Variants in SSBP2 observed in about 807,000 individuals in gnomAD.
SSBP2 encodes the protein single stranded DNA binding protein 2.
In SSBP2, 17 loss-of-function variants were observed where a neutral mutation model predicts 61.8. That is an observed-to-expected ratio of 0.28 (90% CI 0.19 to 0.41). SSBP2 has a LOEUF of 0.41. Among genes scored for constraint, SSBP2 ranks in the 10% least tolerant of loss-of-function variants. SSBP2 has a pLI of 1.00. For synonymous variants in SSBP2, 139 were observed against 141.3 expected (o/e 0.98, Z 0.12); for missense variants, 310 against 458.7 (o/e 0.68, Z 2.96).
At chr5:81,601,320 C>A (rs900319243) in intron 4 of SSBP2, among the ~76,000 whole-genome samples, 8 of 152,018 alleles carry the variant, frequency 5.3e-5, no homozygotes, top group Non-Finnish European at 1.2e-4. Context: ...GTTGGTAAGG[C>A]GGCTGTGAAT....
At chr5:81,428,397 A>G (rs1762084313) in intron 16 of SSBP2, among the ~76,000 whole-genome samples, 188 bp downstream of exon 16, 1 of 152,238 alleles carries the variant, frequency 6.6e-6, no homozygotes, top group Admixed American at 6.5e-5. Context: ...CTATGTACAC[A>G]GAATAAAAAA....
chr5:81,639,776 A>T lies in SSBP2; in HGVS notation c.136-3158T>A, dbSNP rs958972015. On this transcript the variant is annotated intron_variant, in intron 2 of 16. Coordinates refer to ENST00000320672, the MANE Select transcript of SSBP2 (RefSeq NM_012446.5). ...AACTGTAATTACAGATTTCAAAAAAATTCAAGGAATTCTTTCCATCATCTA... is the reference window on the plus strand; with the variant it reads ...AACTGTAATTACAGATTTCAAAAAATTTCAAGGAATTCTTTCCATCATCTA... Among the ~76,000 whole-genome samples, 6 of 152,310 alleles carry T rather than the reference A, an allele frequency of 3.9e-5. No homozygotes were observed. The South Asian group carries it at 1.0e-3, about 26-fold the overall frequency.
At chr5:81,713,591 G>A (rs758055571) in intron 1 of SSBP2, among the ~76,000 whole-genome samples, 11 of 151,944 alleles carry the variant, frequency 7.2e-5, no homozygotes, top group South Asian at 2.1e-4. Flanking sequence ...GATGTACATC[G>A]CCAATAAAAC....
At chr5:81,531,119 T>C (rs2154105306) in intron 4 of SSBP2, among the ~76,000 whole-genome samples, 1 of 150,942 alleles carries the variant, frequency 6.6e-6, no homozygotes, top group South Asian at 2.1e-4. Flanking sequence ...ATGCCTATAG[T>C]CCCAGCTACT....
intron 4 of SSBP2, among the ~76,000 whole-genome samples, chr5:81,585,406 G>A (rs1774983617): frequency 6.6e-6 from 1 of 151,856 alleles, no homozygotes; most frequent in African/African-American, 2.4e-5. Flanking sequence ...GCTAAATCTA[G>A]GTCTTATTCT....
intron 5 of SSBP2, among the ~76,000 whole-genome samples, chr5:81,501,685 C>T (rs1005365765): frequency 2.0e-5 from 3 of 151,216 alleles, no homozygotes; most frequent in African/African-American, 7.3e-5. Context: ...GCCTCAGCCT[C>T]CTGAGTAGCT....
intron 5 of SSBP2, among the ~76,000 whole-genome samples, chr5:81,501,268 T>TACACACACAC (rs34805388): frequency 2.8e-5 from 1 of 35,772 alleles, no homozygotes; most frequent in Non-Finnish European, 5.2e-5. Flanking sequence ...TATATATATA[T>TACACACACAC]ACACACACAC....
chr5:81,489,221 A>G (rs776283160), intron 6 of SSBP2, 29 bp downstream of exon 6: 3 of 1,579,596 alleles, frequency 1.9e-6, no homozygotes, highest in African/African-American at 1.4e-5. Context: ...TGATTCTTAC[A>G]AAAAACTTAC....
At chr5:81,482,458 T>C (rs1481373701) in intron 6 of SSBP2, among the ~76,000 whole-genome samples, 2 of 152,202 alleles carry the variant, frequency 1.3e-5, no homozygotes, top group African/African-American at 4.8e-5. Flanking sequence ...TTATCTTAGC[T>C]AGATTTTCTG....
chr5:81,593,201 C>A (rs1382565837), intron 4 of SSBP2, among the ~76,000 whole-genome samples: 1 of 152,074 alleles, frequency 6.6e-6, no homozygotes, highest in East Asian at 1.9e-4. Context: ...AATGCAGAAG[C>A]CTCAGTAGCC....
At chr5:81,500,607 C>T (rs1016725723) in intron 5 of SSBP2, among the ~76,000 whole-genome samples, 2 of 152,006 alleles carry the variant, frequency 1.3e-5, no homozygotes, top group African/African-American at 2.4e-5. Context: ...ATTACAGGTG[C>T]GTGCCACCAT....
At chr5:81,446,840 G>T in intron 12 of SSBP2, 28 bp downstream of exon 12, 2 of 1,587,168 alleles carry the variant, frequency 1.3e-6, no homozygotes, top group Non-Finnish European at 1.7e-6. Context: ...ATAATCAAAT[G>T]CCCATGTGGC....
At chr5:81,473,401 T>C (rs1338657968) in intron 8 of SSBP2, among the ~76,000 whole-genome samples, 4 of 152,152 alleles carry the variant, frequency 2.6e-5, no homozygotes, top group African/African-American at 9.7e-5. Flanking sequence ...ATGCACTCCC[T>C]TCCCTTGCCC....
At chr5:81,675,896 T>C (rs910038664) in intron 1 of SSBP2, among the ~76,000 whole-genome samples, 1 of 152,144 alleles carries the variant, frequency 6.6e-6, no homozygotes, top group African/African-American at 2.4e-5. Context: ...AATATCAACA[T>C]TCCCTAAGGT....
intron 4 of SSBP2, among the ~76,000 whole-genome samples, chr5:81,537,232 G>C (rs920491207): frequency 6.6e-6 from 1 of 151,948 alleles, no homozygotes; most frequent in African/African-American, 2.4e-5. Context: ...ACATCTAAAG[G>C]TTAACTTACC....
intron 9 of SSBP2, among the ~76,000 whole-genome samples, chr5:81,461,450 A>T (rs190316400): frequency 6.6e-6 from 1 of 152,144 alleles, no homozygotes; most frequent in African/African-American, 2.4e-5. Flanking sequence ...TGAACTAAAT[A>T]TAAACCATAA....
At chr5:81,609,413 A>G (rs1254337224) in intron 4 of SSBP2, among the ~76,000 whole-genome samples, 1 of 152,210 alleles carries the variant, frequency 6.6e-6, no homozygotes, top group African/African-American at 2.4e-5. Flanking sequence ...CCTATACAGT[A>G]TAGGGTTATT....
chr5:81,744,642 C>T (rs998243388), intron 1 of SSBP2, among the ~76,000 whole-genome samples: 1 of 151,928 alleles, frequency 6.6e-6, no homozygotes, highest in South Asian at 2.1e-4. Context: ...ATATTTTAGC[C>T]TCTACAATTT....
chr5:81,490,365 T>TAA (rs1766765935), intron 5 of SSBP2, among the ~76,000 whole-genome samples: 1 of 152,074 alleles, frequency 6.6e-6, no homozygotes, highest in Non-Finnish European at 1.5e-5. Flanking sequence ...TTTATTTTTC[T>TAA]AGAAACAACA....
Sources: gnomAD v4.1 joint callset for allele counts (sites outside exome capture counted in the v4.1 genomes callset) on GRCh38, gnomAD v4.1.1 for gene constraint, MANE v1.5 for transcripts, NCBI Gene and HGNC (gene_info 2026-07-23, HGNC 2026-07-21) for gene names.